The following NEDD4L variants were observed in gnomAD, a reference collection of about 807,000 sequenced individuals.
The protein encoded by NEDD4L is NEDD4 like E3 ubiquitin protein ligase.
In NEDD4L, 54 loss-of-function variants were observed where a neutral mutation model predicts 148.9. The observed-to-expected ratio is 0.36, with a 90% CI of 0.29 to 0.45. The LOEUF is 0.45. Ranked by LOEUF, NEDD4L falls within the 20% of genes least tolerant of loss-of-function variation. The pLI, the probability that NEDD4L is intolerant of heterozygous loss-of-function variation, is 1.00. For missense variants in NEDD4L, 856 were observed against 1,233.8 expected, an observed-to-expected ratio of 0.69 and a Z score of 4.59; for synonymous variants, 433 against 440.7, an observed-to-expected ratio of 0.98 and a Z score of 0.22.
intron 5 of NEDD4L, among the ~76,000 whole-genome samples, chr18:58,263,230 G>A (rs777220651): frequency 1.7e-4 from 26 of 152,242 alleles, no homozygotes; most frequent in Non-Finnish European, 2.8e-4. Flanking sequence ...ATTATGCCAC[G>A]TATCCAGTAA....
chr18:58,320,334 G>A (rs1568683635), intron 6 of NEDD4L, among the ~76,000 whole-genome samples: 1 of 152,122 alleles, frequency 6.6e-6, no homozygotes, highest in African/African-American at 2.4e-5. Flanking sequence ...TGATTTCCAA[G>A]TCAGAGTCCG....
At chr18:58,350,703 T>A (rs2043764295) in intron 17 of NEDD4L, among the ~76,000 whole-genome samples, 1 of 152,236 alleles carries the variant, frequency 6.6e-6, no homozygotes, top group African/African-American at 2.4e-5. Context: ...CAAACTCCAC[T>A]GTTCCATGGA....
chr18:58,180,910 G>A (rs925478160), intron 2 of NEDD4L, among the ~76,000 whole-genome samples: 23 of 152,192 alleles, frequency 1.5e-4, no homozygotes, highest in Non-Finnish European at 2.1e-4. Context: ...CTGGTCTATC[G>A]AGGTGTATTG....
chr18:58,334,163 T>C (rs941081055), intron 12 of NEDD4L: 5 of 378,972 alleles, frequency 1.3e-5, no homozygotes, highest in Non-Finnish European at 2.4e-5. Context: ...AACCTCTTGG[T>C]ACATTAGTTA....
intron 5 of NEDD4L, among the ~76,000 whole-genome samples, chr18:58,278,380 A>G (rs2052476749): frequency 6.6e-6 from 1 of 152,158 alleles, no homozygotes; most frequent in African/African-American, 2.4e-5. Context: ...CTTCACTGCC[A>G]CTGCTGTGGC....
chr18:58,122,495 CTAAAA>C (rs544222112), intron 1 of NEDD4L, among the ~76,000 whole-genome samples: 4 of 151,860 alleles, frequency 2.6e-5, no homozygotes, highest in Admixed American at 6.6e-5. Context: ...AAAATTCTGT[CTAAAA>C]TAAAATAAAA....
At chr18:58,377,404 A>G (rs1403720430) in intron 24 of NEDD4L, among the ~76,000 whole-genome samples, 2 of 151,816 alleles carry the variant, frequency 1.3e-5, no homozygotes, top group Non-Finnish European at 2.9e-5. Flanking sequence ...CTTTTTTTTT[A>G]ATTTCACAGT....
At chr18:58,134,294 C>T (rs1404807810) in intron 1 of NEDD4L, among the ~76,000 whole-genome samples, 2 of 152,150 alleles carry the variant, frequency 1.3e-5, no homozygotes, top group Non-Finnish European at 2.9e-5. Context: ...AGCTACCGCA[C>T]CTGGCCTAAT....
At chr18:58,230,430 T>A (rs540269598) in intron 2 of NEDD4L, among the ~76,000 whole-genome samples, 9 of 151,698 alleles carry the variant, frequency 5.9e-5, no homozygotes, top group African/African-American at 1.2e-4. Context: ...TTTTTTTTTT[T>A]AATCATTTTG....
intron 1 of NEDD4L, among the ~76,000 whole-genome samples, chr18:58,157,581 C>A (rs73448442): frequency 1.3e-5 from 2 of 152,068 alleles, no homozygotes; most frequent in Non-Finnish European, 2.9e-5. Context: ...TTCATACTTA[C>A]AAATGATCAT....
chr18:58,274,756 T>G (rs568111187), intron 5 of NEDD4L, among the ~76,000 whole-genome samples: 1 of 152,352 alleles, frequency 6.6e-6, no homozygotes, highest in African/African-American at 2.4e-5. Context: ...AATAGGAGGT[T>G]GGTAGTCTTA....
At chr18:58,212,914 G>A (rs1399603500) in intron 2 of NEDD4L, among the ~76,000 whole-genome samples, 1 of 151,874 alleles carries the variant, frequency 6.6e-6, no homozygotes. Flanking sequence ...AGGAAAAATG[G>A]ACAAAGAATG....
intron 6 of NEDD4L, among the ~76,000 whole-genome samples, chr18:58,319,415 A>G (rs573226855): frequency 6.6e-6 from 1 of 152,302 alleles, no homozygotes; most frequent in South Asian, 2.1e-4. Context: ...TGCCTGCAGA[A>G]TCCTTTATCT....
chr18:58,276,202 T>TTG (rs2051938144), intron 5 of NEDD4L, among the ~76,000 whole-genome samples: 2 of 99,838 alleles, frequency 2.0e-5, no homozygotes, highest in Admixed American at 1.9e-4. Context: ...TCGTTTTTTT[T>TTG]TTTTTTTTTT....
At chr18:58,275,771 T>C (rs2051829637) in intron 5 of NEDD4L, among the ~76,000 whole-genome samples, 1 of 149,760 alleles carries the variant, frequency 6.7e-6, no homozygotes, top group Non-Finnish European at 1.5e-5. Flanking sequence ...GGCATTTCAA[T>C]TGGAGAAGGA....
chr18:58,259,939 C>G (rs1438993270), intron 5 of NEDD4L, among the ~76,000 whole-genome samples: 1 of 152,200 alleles, frequency 6.6e-6, no homozygotes. Context: ...AACTTTGAGT[C>G]TCTTTTACAG....
At chr18:58,156,479 A>T (rs2035511971) in intron 1 of NEDD4L, among the ~76,000 whole-genome samples, 1 of 152,130 alleles carries the variant, frequency 6.6e-6, no homozygotes, top group Non-Finnish European at 1.5e-5. Context: ...GTGTTGTGTG[A>T]TCTTGTGCAG....
In NEDD4L at chr18:58,069,051, G is replaced by A. The variant is rs1293078499; in HGVS notation, c.48+24343G>A. ...ACTTCAGAGCTGAGGCACAAGAATC[G>A]CTTGAACCTGGGAGGTGGAGGTTGC... On this transcript the variant is annotated intron_variant, in intron 1 of 30. Transcript: ENST00000400345. Among the ~76,000 whole-genome samples, 8 of 149,698 alleles carry A rather than the reference G, an allele frequency of 5.3e-5. No individual in the cohort carries two copies. In the East Asian group the frequency reaches 5.9e-4, roughly 11 times the overall value.
intron 19 of NEDD4L, among the ~76,000 whole-genome samples, chr18:58,359,165 G>T (rs1203522531): frequency 6.6e-6 from 1 of 152,036 alleles, no homozygotes; most frequent in Non-Finnish European, 1.5e-5. Flanking sequence ...CTGTTGCCCT[G>T]TCGATGTTGT....
Sources: gnomAD v4.1 joint callset for allele counts (sites outside exome capture counted in the v4.1 genomes callset) on GRCh38, gnomAD v4.1.1 for gene constraint, MANE v1.5 for transcripts, NCBI Gene and HGNC (gene_info 2026-07-23, HGNC 2026-07-21) for gene names.